SGCZ: variants seen among roughly 807,000 people sequenced by gnomAD.
SGCZ encodes the protein zeta-sarcoglycan.
Under a neutral mutation model 41.3 loss-of-function variants are expected in SGCZ, and 40 were observed. The ratio of observed to expected loss-of-function variants is 0.97; its 90% CI spans 0.75 to 1.26. The LOEUF (loss-of-function observed/expected upper bound fraction) is 1.26. Among genes scored for constraint, SGCZ ranks in the 50% most tolerant of loss-of-function variants. SGCZ has a pLI of 0.00. For synonymous variants in SGCZ, 206 were observed against 137.5 expected, an observed-to-expected ratio of 1.50 and a Z score of -3.49; for missense variants, 552 against 369.8, an observed-to-expected ratio of 1.49 and a Z score of -4.04.
intron 1 of SGCZ, among the ~76,000 whole-genome samples, chr8:14,667,419 A>G (rs1022052670): frequency 1.3e-5 from 2 of 152,200 alleles, no homozygotes; most frequent in Admixed American, 6.5e-5. Flanking sequence ...GTGGGATATC[A>G]CAGCAATCAT....
At chr8:14,992,546 T>C (rs565129967) in intron 1 of SGCZ, among the ~76,000 whole-genome samples, 62 of 149,396 alleles carry the variant, frequency 4.2e-4, no homozygotes, top group Non-Finnish European at 7.5e-4. Flanking sequence ...CCAAAACTAA[T>C]GTTGGCATTG....
intron 1 of SGCZ, among the ~76,000 whole-genome samples, chr8:15,023,839 C>A (rs1322875519): frequency 6.6e-6 from 1 of 152,092 alleles, no homozygotes; most frequent in East Asian, 1.9e-4. Flanking sequence ...AGTGATCTAC[C>A]ATTTTTCAAA....
Position 15,225,340 on chromosome 8 carries a change from A to T in SGCZ, c.39+12245T>A, listed in dbSNP as rs556243792. On this transcript the variant is annotated intron_variant, in intron 1 of 7. Coordinates refer to ENST00000382080, the MANE Select transcript of SGCZ (RefSeq NM_139167.4). ...AAAGATATATCTATCTCTTCCTAGG[A>T]CTAGTTTACTGGTCAATAAGTAGGA... Among the ~76,000 whole-genome samples, 139 of 152,300 alleles carry T rather than the reference A, an allele frequency of 9.1e-4. 1 individual carries two copies. The highest frequency in any genetic ancestry group is 3.2e-3 in the African/African-American group (135 of 41,578).
chr8:14,140,472 T>C (rs1228186378), intron 5 of SGCZ, among the ~76,000 whole-genome samples: 3 of 152,128 alleles, frequency 2.0e-5, no homozygotes, highest in African/African-American at 7.2e-5. Flanking sequence ...TTCAGCAAAG[T>C]CTCAGGATAC....
chr8:14,431,274 A>G (rs944053585), intron 2 of SGCZ, among the ~76,000 whole-genome samples: 1 of 152,208 alleles, frequency 6.6e-6, no homozygotes, highest in Non-Finnish European at 1.5e-5. Flanking sequence ...GCATCACATT[A>G]CCTGATTTCA....
intron 1 of SGCZ, among the ~76,000 whole-genome samples, chr8:14,769,157 G>A (rs116380124): frequency 6.6e-6 from 1 of 152,054 alleles, no homozygotes. Context: ...AAAACCTTTA[G>A]GGAGCGAGGG....
chr8:14,916,530 T>C (rs1256208083), intron 1 of SGCZ, among the ~76,000 whole-genome samples: 2 of 152,222 alleles, frequency 1.3e-5, no homozygotes, highest in African/African-American at 2.4e-5. Flanking sequence ...GAGTAAACCA[T>C]ACCTGGTGCA....
intron 6 of SGCZ, among the ~76,000 whole-genome samples, chr8:14,106,428 A>C (rs74459014): frequency 0.027 from 4,155 of 152,050 alleles, 69 homozygotes; most frequent in Middle Eastern, 0.071. Flanking sequence ...TGCTCTTCTA[A>C]AATAAGTCTT....
chr8:14,989,979 A>G (rs1429247033), intron 1 of SGCZ, among the ~76,000 whole-genome samples: 12 of 151,980 alleles, frequency 7.9e-5, no homozygotes, highest in Non-Finnish European at 1.8e-4. Flanking sequence ...GGAGGTACGC[A>G]TGACTGAGGC....
At chr8:14,627,713 G>C (rs985485405) in intron 1 of SGCZ, among the ~76,000 whole-genome samples, 3 of 151,796 alleles carry the variant, frequency 2.0e-5, no homozygotes, top group African/African-American at 7.2e-5. Flanking sequence ...CAGCTGATCT[G>C]TATAGGAAAA....
chr8:14,132,535 T>G (rs1563144848), intron 5 of SGCZ, among the ~76,000 whole-genome samples: 1 of 152,210 alleles, frequency 6.6e-6, no homozygotes, highest in South Asian at 2.1e-4. Flanking sequence ...ATACTTTCTA[T>G]TTAACAATAT....
intron 2 of SGCZ, among the ~76,000 whole-genome samples, chr8:14,437,754 G>C (rs1258038205): frequency 6.6e-6 from 1 of 151,334 alleles, no homozygotes; most frequent in African/African-American, 2.4e-5. Context: ...TTTTATTGTT[G>C]CCTGACTAAA....
At chr8:14,514,679 A>G (rs2117083883) in intron 2 of SGCZ, among the ~76,000 whole-genome samples, 1 of 149,372 alleles carries the variant, frequency 6.7e-6, no homozygotes, top group South Asian at 2.1e-4. Flanking sequence ...GTAAATATAT[A>G]TACGTATATA....
chr8:14,456,188 C>T (rs1463545354), intron 2 of SGCZ, among the ~76,000 whole-genome samples: 3 of 152,156 alleles, frequency 2.0e-5, no homozygotes, highest in African/African-American at 7.2e-5. Flanking sequence ...GCAGGCAAAT[C>T]ACCTGAGGTC....
intron 2 of SGCZ, among the ~76,000 whole-genome samples, chr8:14,367,624 G>A (rs1177900099): frequency 6.6e-6 from 1 of 152,074 alleles, no homozygotes; most frequent in Non-Finnish European, 1.5e-5. Context: ...CATCTTCCAT[G>A]ATGGTAGGTG....
Position 14,208,146 on chromosome 8 carries a change from T to C in SGCZ, c.424+29446A>G, listed in dbSNP as rs1008482831. Among the ~76,000 whole-genome samples the C allele has an allele frequency of 5.9e-5, 9 of 152,340 alleles. No individual in the cohort carries two copies. In the East Asian group the frequency reaches 1.2e-3, roughly 20 times the overall value. On this transcript the variant is annotated intron_variant, in intron 4 of 7. Transcript: ENST00000382080. Reference sequence around the variant, plus strand: ...AGCTTAACATAATAAAAACCCTTTATTGAACCCCATTAAAATGAAAGTCTG... The same window carrying C: ...AGCTTAACATAATAAAAACCCTTTACTGAACCCCATTAAAATGAAAGTCTG...
chr8:14,966,527 C>T (rs963671421), intron 1 of SGCZ, among the ~76,000 whole-genome samples: 3 of 151,888 alleles, frequency 2.0e-5, no homozygotes, highest in Non-Finnish European at 4.4e-5. Context: ...TTAAACGTAA[C>T]AAAAATGTAT....
chr8:14,242,560 G>C (rs1295683996), intron 3 of SGCZ, among the ~76,000 whole-genome samples: 1 of 152,144 alleles, frequency 6.6e-6, no homozygotes, highest in Non-Finnish European at 1.5e-5. Context: ...AGGATTAAAT[G>C]AGACAACATA....
rs977383997 is a variant in SGCZ, at chr8:15,237,835, C to G, written c.-212G>C. On this transcript the variant is annotated 5_prime_UTR_variant, in exon 1 of 8. Transcript: ENST00000382080. Reference sequence around the variant, plus strand: ...GATAATTCACTTTATTTTACTTCCTCAAAGATTTAGTGACAGGTGATCTCT... The same window carrying G: ...GATAATTCACTTTATTTTACTTCCTGAAAGATTTAGTGACAGGTGATCTCT... 3.1e-5 allele frequency: 16 copies of G among 511,638 alleles called. No homozygotes were observed. Among genetic ancestry groups the G allele is most frequent in the Non-Finnish European group, 5.3e-5 (15 of 282,568 alleles). 31.7% of individuals were successfully genotyped at this position (511,638 alleles called of 1,614,324 possible).
Sources: gnomAD v4.1 joint callset for allele counts (sites outside exome capture counted in the v4.1 genomes callset) on GRCh38, gnomAD v4.1.1 for gene constraint, MANE v1.5 for transcripts, NCBI Gene and HGNC (gene_info 2026-07-23, HGNC 2026-07-21) for gene names.